Variants in DLGAP2 observed in about 807,000 individuals in gnomAD.
DLGAP2 encodes the protein DLG associated protein 2, also known as disks large-associated protein 2.
A neutral mutation model predicts 100.3 loss-of-function variants in DLGAP2; 26 were observed. The observed-to-expected ratio is 0.26, with a 90% CI of 0.19 to 0.36. The LOEUF (loss-of-function observed/expected upper bound fraction) is 0.36. DLGAP2 is among the 10% of genes least tolerant of loss of function. The pLI, the probability that DLGAP2 is intolerant of heterozygous loss-of-function variation, is 1.00. For synonymous variants in DLGAP2, 886 were observed against 630.1 expected, an observed-to-expected ratio of 1.41 and a Z score of -6.08; for missense variants, 1,858 against 1,453.2, an observed-to-expected ratio of 1.28 and a Z score of -4.53.
intron 2 of DLGAP2, among the ~76,000 whole-genome samples, chr8:923,967 A>G (rs919466287): frequency 1.3e-5 from 2 of 152,212 alleles, no homozygotes; most frequent in Non-Finnish European, 2.9e-5. Flanking sequence ...ATCCAGCTTA[A>G]TGTTCTTAAG....
At chr8:1,433,196 C>G (rs542916554) in intron 3 of DLGAP2, among the ~76,000 whole-genome samples, 1 of 152,214 alleles carries the variant, frequency 6.6e-6, no homozygotes, top group Non-Finnish European at 1.5e-5. Flanking sequence ...GTTCCATGAA[C>G]TCTTGAAGGA....
At chr8:1,024,091 C>T (rs1275826540) in intron 2 of DLGAP2, among the ~76,000 whole-genome samples, 6 of 152,094 alleles carry the variant, frequency 3.9e-5, no homozygotes, top group Non-Finnish European at 4.4e-5. Flanking sequence ...ACGAGGCCTC[C>T]GGCTTGGGCT....
chr8:847,319 G>A (rs1797089088), intron 1 of DLGAP2, among the ~76,000 whole-genome samples: 1 of 151,900 alleles, frequency 6.6e-6, no homozygotes, highest in African/African-American at 2.4e-5. Context: ...TTTTACTTAT[G>A]TTTCCCTTTT....
chr8:1,382,285 A>G (rs1796114753), intron 3 of DLGAP2, among the ~76,000 whole-genome samples: 1 of 152,256 alleles, frequency 6.6e-6, no homozygotes, highest in African/African-American at 2.4e-5. Flanking sequence ...AGAGGCCTTC[A>G]TCCCCGTCTT....
chr8:1,228,634 A>G (rs560698645), intron 2 of DLGAP2, among the ~76,000 whole-genome samples: 3 of 152,368 alleles, frequency 2.0e-5, no homozygotes, highest in Non-Finnish European at 2.9e-5. Context: ...TTGTTTTGAC[A>G]TCTGCAAATC....
chr8:1,519,074 G>A (rs1800497780), intron 4 of DLGAP2, among the ~76,000 whole-genome samples: 1 of 152,164 alleles, frequency 6.6e-6, no homozygotes, highest in Non-Finnish European at 1.5e-5. Flanking sequence ...CTGCCGTGAA[G>A]GAGCTGGCAG....
chr8:869,134 C>A (rs1264129609), intron 1 of DLGAP2, among the ~76,000 whole-genome samples: 1 of 152,194 alleles, frequency 6.6e-6, no homozygotes, highest in Non-Finnish European at 1.5e-5. Flanking sequence ...CGCCTCTCTT[C>A]TTCCCCTTTA....
intron 1 of DLGAP2, among the ~76,000 whole-genome samples, chr8:770,653 T>A (rs1190975019): frequency 2.6e-5 from 4 of 152,096 alleles, no homozygotes; most frequent in Non-Finnish European, 4.4e-5. Flanking sequence ...CGGTGGCGTC[T>A]CTCCTTCGTG....
intron 2 of DLGAP2, among the ~76,000 whole-genome samples, chr8:1,021,456 A>AT (rs1801620720): frequency 2.0e-5 from 3 of 152,190 alleles, no homozygotes; most frequent in Admixed American, 1.3e-4. Flanking sequence ...TGGCAGGGGC[A>AT]GATTAGCCAT....
chr8:1,349,051 G>A (rs1387699535), intron 3 of DLGAP2, among the ~76,000 whole-genome samples: 1 of 151,518 alleles, frequency 6.6e-6, no homozygotes, highest in Non-Finnish European at 1.5e-5. Flanking sequence ...GTGGAGATGC[G>A]GCCACTTGCT....
chr8:744,632 C>T (rs926962040), intron 1 of DLGAP2, among the ~76,000 whole-genome samples: 4 of 150,978 alleles, frequency 2.6e-5, no homozygotes, highest in Non-Finnish European at 3.0e-5. Flanking sequence ...GTCGCCCTCC[C>T]GGGGTGCTGG....
At chr8:1,181,513 G>C (rs1797387224) in intron 2 of DLGAP2, among the ~76,000 whole-genome samples, 1 of 152,018 alleles carries the variant, frequency 6.6e-6, no homozygotes, top group Non-Finnish European at 1.5e-5. Context: ...CAGGCACCGA[G>C]AGGGACAACA....
At chr8:1,098,250 A>T (rs113210715) in intron 2 of DLGAP2, among the ~76,000 whole-genome samples, 2 of 152,200 alleles carry the variant, frequency 1.3e-5, no homozygotes, top group South Asian at 4.1e-4. Context: ...TTCCAAAAAT[A>T]TGTTTACAAT....
At chr8:1,411,234 A>T (rs946431425) in intron 3 of DLGAP2, among the ~76,000 whole-genome samples, 2 of 152,010 alleles carry the variant, frequency 1.3e-5, no homozygotes, top group Non-Finnish European at 2.9e-5. Flanking sequence ...ATGTTTATAT[A>T]TATTGTGTCT....
At chr8:1,549,867 C>T (rs140883464) in intron 5 of DLGAP2, among the ~76,000 whole-genome samples, 184 bp downstream of exon 5, 2 of 152,200 alleles carry the variant, frequency 1.3e-5, no homozygotes, top group Admixed American at 6.5e-5. Context: ...ACCTTACATA[C>T]GTAATTTTTT....
chr8:1,259,300 C>G (rs1181675707), intron 3 of DLGAP2, among the ~76,000 whole-genome samples: 1 of 152,146 alleles, frequency 6.6e-6, no homozygotes, highest in Admixed American at 6.5e-5. Flanking sequence ...TGTGTGGGGC[C>G]TTTGCTGGCT....
chr8:859,816 T>C (rs1434635757), intron 1 of DLGAP2, among the ~76,000 whole-genome samples: 1 of 152,052 alleles, frequency 6.6e-6, no homozygotes, highest in Non-Finnish European at 1.5e-5. Context: ...TAGAGTGAGG[T>C]GCGGTGTAGG....
chr8:775,360 G>T (rs1350290973), intron 1 of DLGAP2, among the ~76,000 whole-genome samples: 3 of 150,460 alleles, frequency 2.0e-5, no homozygotes, highest in Non-Finnish European at 4.4e-5. Flanking sequence ...CTGCCTAATT[G>T]CCCTGGCCAG....
chr8:1,024,117 G>T (rs969988826), intron 2 of DLGAP2, among the ~76,000 whole-genome samples: 12 of 151,650 alleles, frequency 7.9e-5, no homozygotes, highest in Admixed American at 2.0e-4. Flanking sequence ...TGAATCCCCA[G>T]TGGAGGAGTG....
Sources: allele counts gnomAD v4.1 joint callset (sites outside exome capture counted in the v4.1 genomes callset), GRCh38; gene constraint gnomAD v4.1.1; transcripts MANE v1.5; gene names NCBI Gene and HGNC (gene_info 2026-07-23, HGNC 2026-07-21).